The following NSL1 variants were observed in gnomAD, a reference collection of about 807,000 sequenced individuals.
NSL1 encodes the protein kinetochore-associated protein NSL1 homolog.
NSL1 carries 11 observed loss-of-function variants against 25.4 expected under a neutral mutation model. The observed-to-expected ratio is 0.43, with a 90% CI of 0.27 to 0.72. The LOEUF (loss-of-function observed/expected upper bound fraction) is 0.72. Ranked by LOEUF, NSL1 falls within the 30% of genes least tolerant of loss-of-function variation. The probability of loss-of-function intolerance (pLI) is 0.19; values close to 1 mark genes in which losing one functional copy is unlikely to be tolerated. For synonymous variants in NSL1, 118 were observed against 120.6 expected, an observed-to-expected ratio of 0.98 and a Z score of 0.14; for missense variants, 330 against 342.7, an observed-to-expected ratio of 0.96 and a Z score of 0.29.
At position 212,791,726 on chromosome 1, in the gene NSL1, G is replaced by A. The variant is rs897178793; in HGVS notation, c.38C>T (p.Pro13Leu). 2.5e-6 allele frequency: 4 copies of A among 1,613,344 alleles called. No individual in the cohort carries two copies. The highest frequency in any genetic ancestry group is 3.4e-6 in the Non-Finnish European group (4 of 1,179,726). Residue 13 changes from proline to leucine, a missense_variant, in exon 1 of 6, where the codon CCA (proline) becomes CTA (leucine). Transcript: ENST00000366977. ...GSPELVVLDP[P>L]WDKELAAGTE... ...GCCAGCCGCGAGCTCCTTGTCCCAT[G>A]GAGGGTCAAGGACCACCAACTCAGG...
chr1:212,728,661 T>C lies in NSL1; in HGVS notation c.*9747A>G, dbSNP rs1030202458. ...TGATGAGTGAAGGGAACCACAGGCTTATCTGCACATCACTTATACCATTTG... is the reference window on the plus strand; with the variant it reads ...TGATGAGTGAAGGGAACCACAGGCTCATCTGCACATCACTTATACCATTTG... On this transcript the variant is annotated 3_prime_UTR_variant, in exon 6 of 6. Transcript: ENST00000366977. 4 of 985,340 alleles carry C rather than the reference T, an allele frequency of 4.1e-6. No individual in the cohort carries two copies. In the African/African-American group the frequency reaches 7.0e-5, roughly 17 times the overall value. The allele number at this position is 985,340 out of a possible 1,614,324, so 61.0% of individuals were successfully genotyped here.
At chr1:212,785,894 T>C (rs1184899130) in intron 2 of NSL1, among the ~76,000 whole-genome samples, 5 of 152,214 alleles carry the variant, frequency 3.3e-5, no homozygotes, top group East Asian at 3.8e-4. Context: ...TTTTGAGAAA[T>C]TGCTGATATG....
intron 4 of NSL1, among the ~76,000 whole-genome samples, chr1:212,767,401 C>T (rs1250623102): frequency 6.6e-6 from 1 of 152,160 alleles, no homozygotes; most frequent in Admixed American, 6.5e-5. Context: ...TCATCTCTCA[C>T]CTTATACAAA....
At chr1:212,777,091 T>C (rs1660408626) in intron 4 of NSL1, among the ~76,000 whole-genome samples, 1 of 151,164 alleles carries the variant, frequency 6.6e-6, no homozygotes, top group Non-Finnish European at 1.5e-5. Flanking sequence ...AAAAACAACC[T>C]AGGCTGGTGC....
At chr1:212,750,194 G>A (rs55827218) in intron 4 of NSL1, among the ~76,000 whole-genome samples, 2,718 of 151,832 alleles carry the variant, frequency 0.018, 70 homozygotes, top group African/African-American at 0.059. Flanking sequence ...ATGATAGAGG[G>A]TGCCATGGAG....
intron 2 of NSL1, among the ~76,000 whole-genome samples, chr1:212,784,974 G>C (rs1660883175): frequency 6.6e-6 from 1 of 152,142 alleles, no homozygotes. Flanking sequence ...TTTAGGCAGT[G>C]GAAACAGTAT....
rs1462127167 is a variant in NSL1 at position 212,727,766 on chromosome 1, A to G, written c.*10642T>C. ...CAAAAGTTCATATTTAACCTCATTAAGATAATAAATTGCTTTAAACAACTT... is the reference window on the plus strand; with the variant it reads ...CAAAAGTTCATATTTAACCTCATTAGGATAATAAATTGCTTTAAACAACTT... On this transcript the variant is annotated 3_prime_UTR_variant, in exon 6 of 6. Transcript: ENST00000366977. The G allele has an allele frequency of 2.0e-6, 2 of 984,330 alleles. No homozygotes were observed. The highest frequency in any genetic ancestry group is 2.4e-6 in the Non-Finnish European group (2 of 828,892). The allele number at this position is 984,330 out of a possible 1,614,324, so 61.0% of individuals were successfully genotyped here. A position where few individuals can be genotyped will look rare whatever the true frequency, so the allele number is the denominator to read the frequency against.
At chr1:212,781,231 C>G (rs1230693426) in intron 4 of NSL1, among the ~76,000 whole-genome samples, 6 of 152,176 alleles carry the variant, frequency 3.9e-5, no homozygotes, top group African/African-American at 1.4e-4. Context: ...AGTAAAATCA[C>G]ATTTCAAAGG....
rs530395219 is a variant in NSL1, at chr1:212,728,007, T to C, written c.*10401A>G. On this transcript the variant is annotated 3_prime_UTR_variant, in exon 6 of 6. Transcript: ENST00000366977. ...CACGGGGAGAAGGTGGAAGCAGAGT[T>C]TGTGGTCAGAAGGCCTCGCTCTGCT... 2.0e-6 allele frequency: 2 copies of C among 985,356 alleles called. No individual in the cohort carries two copies. The highest frequency in any genetic ancestry group is 4.7e-5 in the South Asian group (1 of 21,274). The allele number at this position is 985,356 out of a possible 1,614,324, so 61.0% of individuals were successfully genotyped here. A position where few individuals can be genotyped will look rare whatever the true frequency, so the allele number is the denominator to read the frequency against.
At position 212,738,207 on chromosome 1, in the gene NSL1, T is replaced by C. The variant is rs955810734; in HGVS notation, c.*201A>G. 5.5e-5 allele frequency: 72 copies of C among 1,313,120 alleles called. No homozygotes were observed. Among genetic ancestry groups the C allele is most frequent in the Non-Finnish European group, 6.8e-5 (70 of 1,034,932 alleles). 81.3% of individuals were successfully genotyped at this position (1,313,120 alleles called of 1,614,324 possible). A position where few individuals can be genotyped will look rare whatever the true frequency, so the allele number is the denominator to read the frequency against. On this transcript the variant is annotated 3_prime_UTR_variant, in exon 6 of 6. Coordinates refer to ENST00000366977, the MANE Select transcript of NSL1 (RefSeq NM_015471.4). ...TTTGTGTCAATACTTTTTAAAATGC[T>C]TTTTATTTACAATAGATAAAACAGT...
Position 212,727,435 on chromosome 1 carries a change from A to T in NSL1, c.*10973T>A, listed in dbSNP as rs548827486. On this transcript the variant is annotated 3_prime_UTR_variant, in exon 6 of 6. Coordinates refer to ENST00000366977, the MANE Select transcript of NSL1 (RefSeq NM_015471.4). ...AAATATACTCCTTGTAACAGACATT[A>T]CCTAAATTTGGAAAAGTGACACAAT... 23 of 985,426 alleles carry T rather than the reference A, an allele frequency of 2.3e-5. No homozygotes were observed. In the South Asian group the frequency reaches 8.0e-4, roughly 34 times the overall value. The allele number at this position is 985,426 out of a possible 1,614,324, so 61.0% of individuals were successfully genotyped here. A position where few individuals can be genotyped will look rare whatever the true frequency, so the allele number is the denominator to read the frequency against.
chr1:212,781,777 C>A (rs566192064), intron 4 of NSL1, among the ~76,000 whole-genome samples: 2 of 152,128 alleles, frequency 1.3e-5, no homozygotes, highest in Non-Finnish European at 2.9e-5. Context: ...TGTGAGAATA[C>A]AGTCATTTGA....
intron 4 of NSL1, among the ~76,000 whole-genome samples, chr1:212,742,195 A>G (rs1231014155): frequency 6.6e-6 from 1 of 152,218 alleles, no homozygotes; most frequent in Non-Finnish European, 1.5e-5. Context: ...AAATATGCTC[A>G]GACCCAACTA....
At chr1:212,756,173 G>A (rs1235875091) in intron 4 of NSL1, among the ~76,000 whole-genome samples, 2 of 152,190 alleles carry the variant, frequency 1.3e-5, no homozygotes, top group Non-Finnish European at 2.9e-5. Flanking sequence ...AGGCTGGAGT[G>A]TAGTGGCAGG....
Position 212,731,054 on chromosome 1 carries a change from T to G in NSL1, c.*7354A>C. 1.0e-6 allele frequency: 1 copy of G among 985,164 alleles called. No individual in the cohort carries two copies. The highest frequency in any genetic ancestry group is 5.2e-4 in the Middle Eastern group (1 of 1,914). 61.0% of individuals were successfully genotyped at this position (985,164 alleles called of 1,614,324 possible). A position where few individuals can be genotyped will look rare whatever the true frequency, so the allele number is the denominator to read the frequency against. On this transcript the variant is annotated 3_prime_UTR_variant, in exon 6 of 6. Coordinates refer to ENST00000366977, the MANE Select transcript of NSL1 (RefSeq NM_015471.4). ...TTACCCCTGAAGCTTCAAATGAATA[T>G]AACATTAATTTTCTCAAATCCTTTC...
At chr1:212,775,227 C>T (rs1039187714) in intron 4 of NSL1, among the ~76,000 whole-genome samples, 6 of 152,050 alleles carry the variant, frequency 3.9e-5, no homozygotes, top group African/African-American at 1.2e-4. Context: ...CATTAGTGGC[C>T]GCCTAGGACC....
chr1:212,759,644 C>T (rs1044245301), intron 4 of NSL1, among the ~76,000 whole-genome samples: 3 of 152,072 alleles, frequency 2.0e-5, no homozygotes, highest in African/African-American at 7.2e-5. Flanking sequence ...GAATTCAACC[C>T]CCACCAGACT....
In NSL1 at chr1:212,731,851, A is replaced by G; in HGVS notation, c.*6557T>C. The G allele has an allele frequency of 1.0e-6, 1 of 984,986 alleles. No individual in the cohort carries two copies. The highest frequency in any genetic ancestry group is 4.7e-5 in the South Asian group (1 of 21,266). 61.0% of individuals were successfully genotyped at this position (984,986 alleles called of 1,614,324 possible). On this transcript the variant is annotated 3_prime_UTR_variant, in exon 6 of 6. Coordinates refer to ENST00000366977, the MANE Select transcript of NSL1 (RefSeq NM_015471.4). ...CAGAAGCCTCCTCACTATCCCTGCC[A>G]CTCTGGCTGCTCCAGCTCCATGTCC...
At chr1:212,747,152 C>T (rs1490582714) in intron 4 of NSL1, among the ~76,000 whole-genome samples, 2 of 151,998 alleles carry the variant, frequency 1.3e-5, no homozygotes, top group African/African-American at 4.8e-5. Context: ...AAAGATGGCC[C>T]CCAGTGATCT....
Sources: allele counts gnomAD v4.1 joint callset (sites outside exome capture counted in the v4.1 genomes callset), GRCh38; gene constraint gnomAD v4.1.1; transcripts MANE v1.5; gene names NCBI Gene and HGNC (gene_info 2026-07-23, HGNC 2026-07-21).